The following LINGO2 variants were observed in gnomAD, a reference collection of about 807,000 sequenced individuals.
LINGO2 encodes leucine-rich repeat and immunoglobulin-like domain-containing nogo receptor-interacting protein 2.
In LINGO2, 14 loss-of-function variants were observed where a neutral mutation model predicts 30.6. The ratio of observed to expected loss-of-function variants is 0.46; its 90% CI spans 0.30 to 0.72. The LOEUF (loss-of-function observed/expected upper bound fraction) is 0.72. LINGO2 is among the 30% of genes least tolerant of loss of function. LINGO2 has a pLI of 0.07. For missense variants in LINGO2, 729 were observed against 751.7 expected (o/e 0.97, Z 0.35); for synonymous variants, 317 against 288.5 (o/e 1.10, Z -1.00).
At chr9:29,099,819 T>C in the LINGO2 span, among the ~76,000 whole-genome samples, 1 of 151,966 alleles carries the variant, frequency 6.6e-6, no homozygotes, top group South Asian at 2.1e-4. Context: ...GGGAACATTT[T>C]GGAGGTTACT....
intron 2 of LINGO2, among the ~76,000 whole-genome samples, chr9:28,444,922 A>T (rs1311744786): frequency 7.2e-5 from 11 of 152,312 alleles, no homozygotes; most frequent in Admixed American, 2.0e-4. Flanking sequence ...AGTGGGCAGA[A>T]CTAGCCCAGT....
the LINGO2 span, among the ~76,000 whole-genome samples, chr9:29,169,678 G>T: frequency 6.6e-6 from 1 of 152,230 alleles, no homozygotes; most frequent in Non-Finnish European, 1.5e-5. Flanking sequence ...ATACATTGTT[G>T]GTGAAAATGT....
intron 4 of LINGO2, among the ~76,000 whole-genome samples, chr9:28,020,841 CT>C (rs1315274366): frequency 6.6e-6 from 1 of 152,096 alleles, no homozygotes; most frequent in Non-Finnish European, 1.5e-5. Flanking sequence ...TGTAGCATTT[CT>C]TTATCATTTA....
the LINGO2 span, among the ~76,000 whole-genome samples, chr9:28,998,777 T>C: frequency 6.6e-6 from 1 of 152,194 alleles, no homozygotes; most frequent in South Asian, 2.1e-4. Context: ...AACAGATGCA[T>C]CATAGCCACC....
At chr9:28,201,078 CTT>C (rs199805525) in intron 4 of LINGO2, among the ~76,000 whole-genome samples, 2 of 137,510 alleles carry the variant, frequency 1.5e-5, no homozygotes, top group East Asian at 2.1e-4. Context: ...TATCTTTTTT[CTT>C]TTTTTTTTTA....
chr9:28,431,373 T>A (rs1364503708), intron 2 of LINGO2, among the ~76,000 whole-genome samples: 1 of 151,690 alleles, frequency 6.6e-6, no homozygotes, highest in African/African-American at 2.4e-5. Context: ...ACAGTAAATA[T>A]TAAAGAAAGG....
At chr9:28,606,707 C>A (rs1825707769) in intron 1 of LINGO2, among the ~76,000 whole-genome samples, 1 of 151,984 alleles carries the variant, frequency 6.6e-6, no homozygotes, top group South Asian at 2.1e-4. Flanking sequence ...TTACTCTTTA[C>A]TGATGCTTCC....
the LINGO2 span, among the ~76,000 whole-genome samples, chr9:29,205,663 G>A: frequency 1.3e-5 from 2 of 152,068 alleles, no homozygotes; most frequent in Non-Finnish European, 1.5e-5. Context: ...TATTAGTAAG[G>A]TCATCTGCGC....
rs1825119108 is a variant in LINGO2, at chr9:28,595,198, C to T, written c.-365+75002G>A. On this transcript the variant is annotated intron_variant, in intron 1 of 5. Transcript: ENST00000379992. Reference sequence around the variant, plus strand: ...ACCCCTTTCAATGATATAAAAATAGCACATAATCATGTGAAGTTAAGTGGA... The same window carrying T: ...ACCCCTTTCAATGATATAAAAATAGTACATAATCATGTGAAGTTAAGTGGA... Among the ~76,000 whole-genome samples, 8 of 152,134 alleles carry T rather than the reference C, an allele frequency of 5.3e-5. No homozygotes were observed. The South Asian group carries it at 1.7e-3, about 32-fold the overall frequency.
At chr9:28,046,449 G>A (rs1395320506) in intron 4 of LINGO2, among the ~76,000 whole-genome samples, 2 of 152,128 alleles carry the variant, frequency 1.3e-5, no homozygotes, top group African/African-American at 4.8e-5. Flanking sequence ...TTTGGTGGAC[G>A]CTACTGGTCC....
intron 4 of LINGO2, among the ~76,000 whole-genome samples, chr9:28,232,192 A>G (rs772249253): frequency 6.6e-6 from 1 of 152,124 alleles, no homozygotes; most frequent in Admixed American, 6.5e-5. Flanking sequence ...TGAGGTCAGG[A>G]GTTCGAGACC....
chr9:28,626,826 T>TTG lies in LINGO2; in HGVS notation c.-365+43372_-365+43373dup, dbSNP rs370655363. 1.3e-3 allele frequency among the ~76,000 whole-genome samples: 195 copies of TTG among 150,610 alleles called. 1 individual carries two copies. The highest frequency in any genetic ancestry group is 6.8e-3 in the Middle Eastern group (2 of 294). On this transcript the variant is annotated intron_variant, in intron 1 of 5. Coordinates refer to ENST00000379992, the Ensembl canonical transcript of LINGO2. ...GTTTTTTTCAGCTCTAAAAATTCTA[T>TTG]TGTGTGTGTGTGTGTGTGTCTTCCA...
the LINGO2 span, among the ~76,000 whole-genome samples, chr9:28,791,998 T>C: frequency 1.5e-3 from 232 of 151,360 alleles, no homozygotes; most frequent in Non-Finnish European, 9.9e-4. Flanking sequence ...GTGTATACAG[T>C]GGTATATACA....
At chr9:28,323,919 A>T (rs981902681) in intron 3 of LINGO2, among the ~76,000 whole-genome samples, 2 of 152,204 alleles carry the variant, frequency 1.3e-5, no homozygotes, top group South Asian at 2.1e-4. Context: ...AGTTGATAAG[A>T]AAAGACAGGT....
intron 1 of LINGO2, among the ~76,000 whole-genome samples, chr9:28,501,503 A>C (rs1190970875): frequency 6.6e-6 from 1 of 152,208 alleles, no homozygotes; most frequent in Admixed American, 6.5e-5. Flanking sequence ...AAGCACTGCA[A>C]GTAAAAATAG....
chr9:29,175,192 G>A, the LINGO2 span, among the ~76,000 whole-genome samples: 1 of 152,144 alleles, frequency 6.6e-6, no homozygotes, highest in Non-Finnish European at 1.5e-5. Context: ...CTGGGAGGTG[G>A]AGGTTGCAGT....
intron 5 of LINGO2, among the ~76,000 whole-genome samples, chr9:27,980,840 T>C (rs974573862): frequency 7.2e-5 from 11 of 151,854 alleles, no homozygotes; most frequent in African/African-American, 2.7e-4. Context: ...GCTTCTTAAG[T>C]GATACTTTTT....
chr9:29,094,020 T>C, the LINGO2 span, among the ~76,000 whole-genome samples: 104 of 139,006 alleles, frequency 7.5e-4, 12 homozygotes, highest in Non-Finnish European at 1.1e-3. Context: ...ATATTTGAAA[T>C]CAGAATAAAT....
the LINGO2 span, among the ~76,000 whole-genome samples, chr9:29,185,753 C>T: frequency 6.6e-6 from 1 of 152,186 alleles, no homozygotes; most frequent in Non-Finnish European, 1.5e-5. Context: ...AGTGCTCCTT[C>T]CACATCTTGC....
Sources: allele counts gnomAD v4.1 joint callset (sites outside exome capture counted in the v4.1 genomes callset), GRCh38; gene constraint gnomAD v4.1.1; transcripts MANE v1.5; gene names NCBI Gene and HGNC (gene_info 2026-07-23, HGNC 2026-07-21).